The following LRRC4C variants were observed in gnomAD, a reference collection of about 807,000 sequenced individuals.
LRRC4C encodes leucine-rich repeat-containing protein 4C.
In LRRC4C, 5 loss-of-function variants were observed where a neutral mutation model predicts 33.6. That is an observed-to-expected ratio of 0.15 (90% confidence interval 0.08 to 0.31). The LOEUF (loss-of-function observed/expected upper bound fraction) is 0.31, where lower values mean the gene tolerates loss of function less well. LRRC4C is among the 10% of genes least tolerant of loss of function. LRRC4C has a pLI of 1.00. For synonymous variants in LRRC4C, 329 were observed against 302.0 expected (o/e 1.09, Z -0.93); for missense variants, 560 against 796.7 (o/e 0.70, Z 3.58).
At chr11:41,359,352 A>T (rs1465814074) in intron 1 of LRRC4C, among the ~76,000 whole-genome samples, 2 of 152,130 alleles carry the variant, frequency 1.3e-5, no homozygotes, top group Admixed American at 6.5e-5. Flanking sequence ...GCTTTAGGTG[A>T]TAATGATGTT....
chr11:40,297,726 G>A (rs890116400), intron 4 of LRRC4C, among the ~76,000 whole-genome samples: 2 of 151,904 alleles, frequency 1.3e-5, no homozygotes, highest in Admixed American at 1.3e-4. Context: ...GAAAGCTTGC[G>A]AGTGCCAAGC....
chr11:40,127,151 C>T (rs1436219357), intron 6 of LRRC4C, among the ~76,000 whole-genome samples: 1 of 151,842 alleles, frequency 6.6e-6, no homozygotes, highest in Non-Finnish European at 1.5e-5. Flanking sequence ...GTGGTGGGCA[C>T]CTGTAATCCC....
At chr11:40,329,976 C>T (rs1325367348) in intron 3 of LRRC4C, among the ~76,000 whole-genome samples, 3 of 152,056 alleles carry the variant, frequency 2.0e-5, no homozygotes, top group South Asian at 2.1e-4. Context: ...CTCCTGACCT[C>T]GTGATCCACC....
At chr11:40,791,027 G>T (rs1256680357) in intron 2 of LRRC4C, among the ~76,000 whole-genome samples, 1 of 152,110 alleles carries the variant, frequency 6.6e-6, no homozygotes, top group African/African-American at 2.4e-5. Context: ...AATATGAGCT[G>T]CATTTTGTCA....
At chr11:40,437,911 T>A (rs1030004763) in intron 3 of LRRC4C, among the ~76,000 whole-genome samples, 1 of 152,204 alleles carries the variant, frequency 6.6e-6, no homozygotes, top group Non-Finnish European at 1.5e-5. Context: ...TTTCACCATG[T>A]TGGCCAGGAT....
rs569629043 is a variant in LRRC4C at position 41,202,284 on chromosome 11, C to T, written c.-496+257147G>A. On this transcript the variant is annotated intron_variant, in intron 1 of 6. Coordinates refer to ENST00000528697, the MANE Select transcript of LRRC4C (RefSeq NM_001258419.2). ...CTGTTTGATGCACAGAGGAGGATTT[C>T]GGGAAATGATTTGGATTTCTCATCA... Among the ~76,000 whole-genome samples, 10 of 152,214 alleles carry T rather than the reference C, an allele frequency of 6.6e-5. 1 individual carries two copies. The East Asian group carries it at 1.4e-3, about 21-fold the overall frequency.
chr11:40,396,110 T>C (rs1225919142), intron 3 of LRRC4C, among the ~76,000 whole-genome samples: 2 of 152,202 alleles, frequency 1.3e-5, no homozygotes, highest in Non-Finnish European at 2.9e-5. Flanking sequence ...CGGCTCTTGT[T>C]CACACATTGT....
intron 4 of LRRC4C, among the ~76,000 whole-genome samples, chr11:40,289,243 G>A (rs1024341472): frequency 1.3e-5 from 2 of 152,086 alleles, no homozygotes; most frequent in African/African-American, 4.8e-5. Context: ...ATTAATACAC[G>A]TTAATCCAAG....
At chr11:40,313,891 G>A (rs916442531) in intron 4 of LRRC4C, among the ~76,000 whole-genome samples, 24 of 151,974 alleles carry the variant, frequency 1.6e-4, no homozygotes, top group African/African-American at 5.8e-4. Context: ...GGGATTACAG[G>A]CGTGAGCCGC....
intron 3 of LRRC4C, among the ~76,000 whole-genome samples, chr11:40,348,796 C>T (rs1947252662): frequency 6.6e-6 from 1 of 152,072 alleles, no homozygotes; most frequent in African/African-American, 2.4e-5. Flanking sequence ...CTAGTGAAGA[C>T]ACAAAGTAAA....
At chr11:40,696,748 G>GTATGTATATATATATCTGAGTATATA (rs1555147676) in intron 2 of LRRC4C, among the ~76,000 whole-genome samples, 1 of 125,896 alleles carries the variant, frequency 7.9e-6, no homozygotes, top group Admixed American at 8.3e-5. Context: ...TATACACTGT[G>GTATGTATATATATATCTGAGTATATA]TATATATATA....
intron 3 of LRRC4C, among the ~76,000 whole-genome samples, chr11:40,593,159 TATGTAAATAC>T (rs1373573453): frequency 4.6e-5 from 7 of 152,192 alleles, no homozygotes; most frequent in African/African-American, 7.2e-5. Context: ...AGAGAGATGC[TATGTAAATAC>T]ATCAAACAAA....
intron 3 of LRRC4C, among the ~76,000 whole-genome samples, chr11:40,542,431 G>A (rs1357996746): frequency 1.3e-5 from 2 of 152,074 alleles, no homozygotes; most frequent in Non-Finnish European, 1.5e-5. Flanking sequence ...GTGGGTCTGA[G>A]GACATTTCCT....
chr11:40,290,400 T>C (rs898333755), intron 4 of LRRC4C, among the ~76,000 whole-genome samples: 1 of 152,340 alleles, frequency 6.6e-6, no homozygotes, highest in Non-Finnish European at 1.5e-5. Flanking sequence ...TTGGTAAATT[T>C]ATTGCCTGAT....
At position 40,437,909 on chromosome 11, in the gene LRRC4C, T is replaced by C. The variant is rs1468299675; in HGVS notation, c.-269-118188A>G. 2.0e-5 allele frequency among the ~76,000 whole-genome samples: 3 copies of C among 152,336 alleles called. No homozygotes were observed. In the East Asian group the frequency reaches 5.8e-4, roughly 29 times the overall value. On this transcript the variant is annotated intron_variant, in intron 3 of 6. Transcript: ENST00000528697. Reference sequence around the variant, plus strand: ...TTTTAGTAGAGATGGGGTTTCACCATGTTGGCCAGGATGGTCTCGATCTCT... The same window carrying C: ...TTTTAGTAGAGATGGGGTTTCACCACGTTGGCCAGGATGGTCTCGATCTCT...
chr11:41,400,890 C>T (rs868730898), intron 1 of LRRC4C, among the ~76,000 whole-genome samples: 13 of 151,888 alleles, frequency 8.6e-5, no homozygotes, highest in Middle Eastern at 3.4e-3. Context: ...TTGATTTTGT[C>T]CCCTGTTCCC....
intron 3 of LRRC4C, among the ~76,000 whole-genome samples, chr11:40,381,585 C>A (rs1330856752): frequency 6.6e-6 from 1 of 152,074 alleles, no homozygotes; most frequent in Non-Finnish European, 1.5e-5. Flanking sequence ...TCAGTCTTCA[C>A]AAGCATAAAC....
intron 2 of LRRC4C, among the ~76,000 whole-genome samples, chr11:40,667,969 T>C (rs550434918): frequency 2.1e-4 from 32 of 152,342 alleles, no homozygotes; most frequent in African/African-American, 7.0e-4. Context: ...CCTTCATCTG[T>C]GAAAACTTTG....
chr11:41,282,752 G>C (rs1730142258), intron 1 of LRRC4C, among the ~76,000 whole-genome samples: 1 of 152,186 alleles, frequency 6.6e-6, no homozygotes, highest in Non-Finnish European at 1.5e-5. Context: ...CCTTTAGGAA[G>C]GGATGCAGCT....
Sources: gnomAD v4.1 joint callset for allele counts (sites outside exome capture counted in the v4.1 genomes callset) on GRCh38, gnomAD v4.1.1 for gene constraint, MANE v1.5 for transcripts, NCBI Gene and HGNC (gene_info 2026-07-23, HGNC 2026-07-21) for gene names.